KCTD8: variants seen among roughly 807,000 people sequenced by gnomAD.
The protein encoded by KCTD8 is potassium channel tetramerization domain containing 8, also known as BTB/POZ domain-containing protein KCTD8.
A neutral mutation model predicts 31.5 loss-of-function variants in KCTD8; 27 were observed. The ratio of observed to expected loss-of-function variants is 0.86; its 90% CI spans 0.63 to 1.18. The LOEUF (loss-of-function observed/expected upper bound fraction) is 1.18, where lower values mean the gene tolerates loss of function less well. KCTD8 is among the 50% of genes most tolerant of loss of function. The pLI is 0.00. For missense variants in KCTD8, 658 were observed against 647.7 expected, an observed-to-expected ratio of 1.02 and a Z score of -0.17; for synonymous variants, 290 against 280.0, an observed-to-expected ratio of 1.04 and a Z score of -0.36.
chr4:44,274,640 TC>T (rs1221020412), intron 1 of KCTD8, among the ~76,000 whole-genome samples: 1 of 151,950 alleles, frequency 6.6e-6, no homozygotes, highest in Non-Finnish European at 1.5e-5. Flanking sequence ...TATAGTCATT[TC>T]TTGGCCCATG....
intron 1 of KCTD8, among the ~76,000 whole-genome samples, chr4:44,355,335 T>C (rs1282699312): frequency 6.7e-6 from 1 of 148,858 alleles, no homozygotes; most frequent in Admixed American, 6.7e-5. Context: ...GATAAGGTCA[T>C]TTTTTCAGGA....
intron 1 of KCTD8, among the ~76,000 whole-genome samples, chr4:44,444,802 G>GC (rs2109486943): frequency 1.4e-5 from 2 of 145,228 alleles, no homozygotes; most frequent in African/African-American, 4.9e-5. Flanking sequence ...ACGGGGGTTG[G>GC]GGGGGAATAA....
intron 1 of KCTD8, among the ~76,000 whole-genome samples, chr4:44,234,894 C>G (rs1715230694): frequency 6.6e-6 from 1 of 152,108 alleles, no homozygotes; most frequent in Non-Finnish European, 1.5e-5. Context: ...CAGGCCCAGG[C>G]TCATTTGTTT....
intron 1 of KCTD8, among the ~76,000 whole-genome samples, chr4:44,240,076 C>A (rs1464284200): frequency 3.3e-5 from 5 of 152,162 alleles, no homozygotes; most frequent in African/African-American, 1.2e-4. Flanking sequence ...TTATCGGGAC[C>A]CACTGCCAGT....
At chr4:44,281,838 C>T (rs530980957) in intron 1 of KCTD8, among the ~76,000 whole-genome samples, 2 of 152,132 alleles carry the variant, frequency 1.3e-5, no homozygotes, top group South Asian at 2.1e-4. Context: ...AGGCCCTCAG[C>T]TTTTTGAGGC....
At chr4:44,329,624 C>T (rs892150921) in intron 1 of KCTD8, among the ~76,000 whole-genome samples, 1 of 151,808 alleles carries the variant, frequency 6.6e-6, no homozygotes, top group African/African-American at 2.4e-5. Flanking sequence ...ACAATTAGCC[C>T]TTATCTTGCT....
At chr4:44,331,020 A>T (rs1171882116) in intron 1 of KCTD8, among the ~76,000 whole-genome samples, 1 of 151,908 alleles carries the variant, frequency 6.6e-6, no homozygotes, top group Non-Finnish European at 1.5e-5. Flanking sequence ...GACAGGAAAA[A>T]TTTCACTTTT....
intron 1 of KCTD8, among the ~76,000 whole-genome samples, chr4:44,323,502 C>CA (rs1313573016): frequency 1.6e-5 from 2 of 125,402 alleles, no homozygotes; most frequent in Non-Finnish European, 1.7e-5. Context: ...CCCCACCCAC[C>CA]CCCCCCCAAA....
intron 1 of KCTD8, among the ~76,000 whole-genome samples, chr4:44,294,321 T>C (rs1221738677): frequency 2.0e-5 from 3 of 152,156 alleles, no homozygotes; most frequent in Non-Finnish European, 2.9e-5. Context: ...TGCCCGCTGG[T>C]GCCTATGAGC....
chr4:44,205,924 G>A (rs1344823524), intron 1 of KCTD8, among the ~76,000 whole-genome samples: 1 of 152,128 alleles, frequency 6.6e-6, no homozygotes, highest in Non-Finnish European at 1.5e-5. Context: ...TAAAGCTAAT[G>A]GCATAGAGGA....
intron 1 of KCTD8, among the ~76,000 whole-genome samples, chr4:44,442,782 C>T (rs78394961): frequency 8.5e-6 from 1 of 117,250 alleles, no homozygotes; most frequent in Non-Finnish European, 1.9e-5. Flanking sequence ...TATACACACA[C>T]ACACACACAC....
intron 1 of KCTD8, among the ~76,000 whole-genome samples, chr4:44,433,132 T>A (rs1444575552): frequency 6.6e-6 from 1 of 151,774 alleles, no homozygotes; most frequent in Admixed American, 6.6e-5. Context: ...TTTTAATGGA[T>A]CTAAAATTGA....
chr4:44,271,730 T>A (rs568614578), intron 1 of KCTD8, among the ~76,000 whole-genome samples: 3 of 152,268 alleles, frequency 2.0e-5, no homozygotes, highest in Non-Finnish European at 4.4e-5. Flanking sequence ...CCAGAGCCCA[T>A]CCCTTTGTTT....
chr4:44,240,639 T>C (rs1055458467), intron 1 of KCTD8, among the ~76,000 whole-genome samples: 1 of 152,148 alleles, frequency 6.6e-6, no homozygotes, highest in Non-Finnish European at 1.5e-5. Flanking sequence ...ATGCCCCGCA[T>C]GTTTTTATTC....
chr4:44,433,440 TG>T (rs1197633490), intron 1 of KCTD8, among the ~76,000 whole-genome samples: 1 of 151,790 alleles, frequency 6.6e-6, no homozygotes, highest in African/African-American at 2.4e-5. Context: ...CTGTCCCACA[TG>T]GGACCCAGAA....
At chr4:44,414,110 T>C (rs1384099549) in intron 1 of KCTD8, among the ~76,000 whole-genome samples, 1 of 152,082 alleles carries the variant, frequency 6.6e-6, no homozygotes, top group African/African-American at 2.4e-5. Flanking sequence ...TATAGGAGAA[T>C]AAACTGATTT....
At chr4:44,354,535 G>C (rs1470087802) in intron 1 of KCTD8, among the ~76,000 whole-genome samples, 1 of 152,054 alleles carries the variant, frequency 6.6e-6, no homozygotes, top group Non-Finnish European at 1.5e-5. Flanking sequence ...AAGCCTAAAG[G>C]AGATGCAACC....
intron 1 of KCTD8, among the ~76,000 whole-genome samples, chr4:44,202,931 C>A (rs1057410899): frequency 6.6e-6 from 1 of 152,016 alleles, no homozygotes; most frequent in South Asian, 2.1e-4. Context: ...CACATACACA[C>A]AAAATCTATG....
chr4:44,249,490 A>C (rs1346320215), intron 1 of KCTD8, among the ~76,000 whole-genome samples: 1 of 151,906 alleles, frequency 6.6e-6, no homozygotes, highest in Non-Finnish European at 1.5e-5. Context: ...TAGAATTTTC[A>C]GGCCATAAGG....
Sources: allele counts gnomAD v4.1 joint callset (sites outside exome capture counted in the v4.1 genomes callset), GRCh38; gene constraint gnomAD v4.1.1; transcripts MANE v1.5; gene names NCBI Gene and HGNC (gene_info 2026-07-23, HGNC 2026-07-21).